Variants in PTPRG observed in about 807,000 individuals in gnomAD.
PTPRG encodes the protein protein tyrosine phosphatase receptor type G.
A neutral mutation model predicts 165.3 loss-of-function variants in PTPRG; 102 were observed. That is an observed-to-expected ratio of 0.62 (90% CI 0.53 to 0.73). The LOEUF (loss-of-function observed/expected upper bound fraction) is 0.73, where lower values mean the gene tolerates loss of function less well. Ranked by LOEUF, PTPRG falls within the 30% of genes least tolerant of loss-of-function variation. The pLI is 0.00. For synonymous variants in PTPRG, 675 were observed against 669.5 expected (o/e 1.01, Z -0.13); for missense variants, 1,866 against 1,861.4 (o/e 1.00, Z -0.05).
Position 62,293,840 on chromosome 3 carries a change from A to C in PTPRG, c.*533A>C, listed in dbSNP as rs1227499348. The C allele has an allele frequency of 6.6e-6, 1 of 152,536 alleles. No homozygotes were observed. The highest frequency in any genetic ancestry group is 1.5e-5 in the Non-Finnish European group (1 of 68,006). 9.4% of individuals were successfully genotyped at this position (152,536 alleles called of 1,614,324 possible). ...GACTAGCAGGCTACTGGGACCTAAA[A>C]AGGTCTGTTAATGTCATGGCCTTGA... On this transcript the variant is annotated 3_prime_UTR_variant, in exon 30 of 30. Transcript: ENST00000474889.
chr3:61,900,233 T>C (rs977841269), intron 2 of PTPRG, among the ~76,000 whole-genome samples: 9 of 152,132 alleles, frequency 5.9e-5, no homozygotes, highest in Non-Finnish European at 1.2e-4. Context: ...CGTTAAAAAA[T>C]AATGCTGACG....
chr3:62,125,662 C>G (rs1368801678), intron 5 of PTPRG, among the ~76,000 whole-genome samples: 2 of 151,380 alleles, frequency 1.3e-5, no homozygotes, highest in Admixed American at 6.6e-5. Flanking sequence ...TTGCCCCAGG[C>G]TTCCCCAGAT....
intron 5 of PTPRG, among the ~76,000 whole-genome samples, chr3:62,114,756 C>A (rs1259005024): frequency 6.6e-6 from 1 of 152,082 alleles, no homozygotes; most frequent in Non-Finnish European, 1.5e-5. Context: ...ACAATCCTTC[C>A]ATCTCAACCT....
intron 14 of PTPRG, 26 bp from the exon 15 acceptor site, chr3:62,243,781 G>T (rs1701220353): frequency 7.2e-7 from 1 of 1,380,428 alleles, no homozygotes; most frequent in South Asian, 1.2e-5. Flanking sequence ...TTCTATTATT[G>T]ACATGTTTTT....
intron 2 of PTPRG, among the ~76,000 whole-genome samples, chr3:61,780,615 G>A (rs766562097): frequency 3.3e-5 from 5 of 152,162 alleles, no homozygotes; most frequent in Non-Finnish European, 7.3e-5. Context: ...GCAACAGGGA[G>A]CCTGCATTCT....
At chr3:62,056,885 T>C (rs1284708442) in intron 4 of PTPRG, among the ~76,000 whole-genome samples, 1 of 152,214 alleles carries the variant, frequency 6.6e-6, no homozygotes, top group Non-Finnish European at 1.5e-5. Flanking sequence ...TGAACTTCCC[T>C]TGAGGCTCTA....
At chr3:61,915,954 G>A (rs777761105) in intron 2 of PTPRG, among the ~76,000 whole-genome samples, 1 of 152,216 alleles carries the variant, frequency 6.6e-6, no homozygotes, top group Non-Finnish European at 1.5e-5. Flanking sequence ...GAATTAATGT[G>A]TCTGGGTGTG....
At position 61,946,691 on chromosome 3, in the gene PTPRG, A is replaced by G. The variant is rs1453840711; in HGVS notation, c.191-42934A>G. Among the ~76,000 whole-genome samples the G allele has an allele frequency of 3.3e-5, 5 of 152,314 alleles. No individual in the cohort carries two copies. The East Asian group carries it at 7.7e-4, about 23-fold the overall frequency. The stretch of plus-strand genomic sequence containing the variant: ...ATGCCAAAAATACCTGTGTTCAGTA[A>G]TTAGTGTCGCTTTCTGCATCAGTGT... On this transcript the variant is annotated intron_variant, in intron 2 of 29. Transcript: ENST00000474889.
At chr3:61,695,130 C>G (rs1206111005) in intron 1 of PTPRG, among the ~76,000 whole-genome samples, 2 of 152,052 alleles carry the variant, frequency 1.3e-5, no homozygotes, top group African/African-American at 4.8e-5. Flanking sequence ...CCTGCCTCAG[C>G]CTCCTGAGTA....
intron 2 of PTPRG, among the ~76,000 whole-genome samples, chr3:61,772,577 T>C (rs1430107521): frequency 1.3e-5 from 2 of 152,196 alleles, no homozygotes; most frequent in African/African-American, 4.8e-5. Context: ...TACACTCTTT[T>C]CTTTTTTTAA....
intron 4 of PTPRG, among the ~76,000 whole-genome samples, chr3:62,021,168 A>G (rs923381936): frequency 1.3e-5 from 2 of 152,120 alleles, no homozygotes; most frequent in Non-Finnish European, 2.9e-5. Context: ...ATACTTAGAA[A>G]CGTATAGTTT....
At chr3:62,281,853 T>G (rs1439555790) in intron 27 of PTPRG, 144 bp downstream of exon 27, 8 of 803,916 alleles carry the variant, frequency 1.0e-5, no homozygotes, top group African/African-American at 3.6e-5. Flanking sequence ...ATTTTCCGTT[T>G]TTCTTCCTTC....
intron 5 of PTPRG, among the ~76,000 whole-genome samples, chr3:62,107,297 A>C (rs1702506223): frequency 6.6e-6 from 1 of 152,258 alleles, no homozygotes; most frequent in Non-Finnish European, 1.5e-5. Flanking sequence ...TAATATGATT[A>C]GTCACCTCCT....
At chr3:62,148,184 G>A (rs756389546) in intron 6 of PTPRG, among the ~76,000 whole-genome samples, 9 of 152,072 alleles carry the variant, frequency 5.9e-5, no homozygotes, top group Admixed American at 5.2e-4. Context: ...ACTGAGATGG[G>A]GGGCTCAGGC....
At chr3:61,849,829 C>G (rs1011270853) in intron 2 of PTPRG, among the ~76,000 whole-genome samples, 6 of 152,206 alleles carry the variant, frequency 3.9e-5, no homozygotes, top group African/African-American at 1.4e-4. Flanking sequence ...CGTTCCATAA[C>G]TGCTGAAACT....
intron 1 of PTPRG, among the ~76,000 whole-genome samples, chr3:61,698,654 G>C (rs2030750911): frequency 6.6e-6 from 1 of 152,120 alleles, no homozygotes; most frequent in Admixed American, 6.6e-5. Context: ...AATAGGACCT[G>C]AAAGAGGTTT....
At chr3:62,120,247 C>G (rs1187640869) in intron 5 of PTPRG, among the ~76,000 whole-genome samples, 6 of 149,800 alleles carry the variant, frequency 4.0e-5, no homozygotes, top group African/African-American at 7.3e-5. Context: ...GGTTTAGGTA[C>G]AAGATGGTGT....
At chr3:62,098,330 A>G (rs934539205) in intron 5 of PTPRG, among the ~76,000 whole-genome samples, 1 of 152,218 alleles carries the variant, frequency 6.6e-6, no homozygotes, top group African/African-American at 2.4e-5. Flanking sequence ...CTTACATTGT[A>G]TTAGGTATTA....
chr3:61,572,010 G>T (rs369077329), intron 1 of PTPRG, among the ~76,000 whole-genome samples: 6 of 152,176 alleles, frequency 3.9e-5, no homozygotes, highest in African/African-American at 1.4e-4. Context: ...TTGATTCCAG[G>T]CTAGGCAGTT....
Sources: gnomAD v4.1 joint callset for allele counts (sites outside exome capture counted in the v4.1 genomes callset) on GRCh38, gnomAD v4.1.1 for gene constraint, MANE v1.5 for transcripts, NCBI Gene and HGNC (gene_info 2026-07-23, HGNC 2026-07-21) for gene names.